Variants in CRYM observed in about 807,000 individuals in gnomAD.
The protein encoded by CRYM is crystallin mu.
Under a neutral mutation model 32.9 loss-of-function variants are expected in CRYM, and 18 were observed. The observed-to-expected ratio is 0.55, with a 90% CI of 0.38 to 0.81. The LOEUF is 0.81. Ranked by LOEUF, CRYM falls within the 30% of genes least tolerant of loss-of-function variation. CRYM has a pLI of 0.00. For synonymous variants in CRYM, 153 were observed against 152.4 expected (o/e 1.00, Z -0.03); for missense variants, 337 against 393.5 (o/e 0.86, Z 1.21).
At chr16:21,299,653 T>A (rs184884125) in intron 1 of CRYM, among the ~76,000 whole-genome samples, 1 of 152,310 alleles carries the variant, frequency 6.6e-6, no homozygotes, top group African/African-American at 2.4e-5. Flanking sequence ...ATTGGGCAGG[T>A]GAACTGGCTA....
chr16:21,275,029 T>A (rs1164497551), intron 3 of CRYM, among the ~76,000 whole-genome samples: 1 of 152,244 alleles, frequency 6.6e-6, no homozygotes, highest in East Asian at 1.9e-4. Context: ...TCAATACTTG[T>A]CGAATGAATA....
chr16:21,259,475 T>C (rs2093350528), intron 7 of CRYM, among the ~76,000 whole-genome samples: 2 of 152,100 alleles, frequency 1.3e-5, no homozygotes, highest in South Asian at 4.1e-4. Flanking sequence ...GGGTCTCTAT[T>C]ACAATTATTC....
intron 5 of CRYM, among the ~76,000 whole-genome samples, chr16:21,262,757 G>T (rs146829598): frequency 6.6e-6 from 1 of 152,100 alleles, no homozygotes; most frequent in Non-Finnish European, 1.5e-5. Flanking sequence ...TGTTTTGCAC[G>T]TACTATTTAT....
intron 1 of CRYM, chr16:21,300,729 T>A (rs187161788): frequency 8.5e-5 from 13 of 152,336 alleles, no homozygotes; most frequent in Admixed American, 7.2e-4. Context: ...TTGCGCCCTC[T>A]CCTGACAAAG....
At chr16:21,259,590 G>A (rs1334368453) in intron 7 of CRYM, among the ~76,000 whole-genome samples, 2 of 152,110 alleles carry the variant, frequency 1.3e-5, no homozygotes, top group Non-Finnish European at 2.9e-5. Flanking sequence ...CTTGAATTTT[G>A]TATCATTTTC....
At chr16:21,274,404 C>T (rs1253738337) in intron 3 of CRYM, among the ~76,000 whole-genome samples, 1 of 152,124 alleles carries the variant, frequency 6.6e-6, no homozygotes, top group Non-Finnish European at 1.5e-5. Flanking sequence ...AATGTGACAG[C>T]TTCTCCAATA....
intron 1 of CRYM, among the ~76,000 whole-genome samples, chr16:21,285,664 A>G (rs1053325446): frequency 2.0e-4 from 31 of 152,260 alleles, no homozygotes; most frequent in African/African-American, 7.5e-4. Flanking sequence ...GTTATAAAAT[A>G]AAACAGATCC....
At chr16:21,274,684 C>T (rs2093382517) in intron 3 of CRYM, among the ~76,000 whole-genome samples, 1 of 152,140 alleles carries the variant, frequency 6.6e-6, no homozygotes, top group Admixed American at 6.5e-5. Flanking sequence ...GGGCTCATTG[C>T]AACCTCTGCC....
intron 7 of CRYM, 25 bp downstream of exon 7, chr16:21,261,229 G>A (rs199868408): frequency 1.1e-4 from 170 of 1,588,782 alleles, no homozygotes; most frequent in Non-Finnish European, 2.6e-5. Flanking sequence ...AGTTGGATTT[G>A]TGCCCAGGGA....
At chr16:21,266,213 G>C (rs2093363404) in intron 5 of CRYM, among the ~76,000 whole-genome samples, 1 of 152,014 alleles carries the variant, frequency 6.6e-6, no homozygotes, top group African/African-American at 2.4e-5. Context: ...GACAGAGTGA[G>C]ACTCCATCTC....
At chr16:21,264,450 G>A (rs1486545072) in intron 5 of CRYM, among the ~76,000 whole-genome samples, 1 of 152,174 alleles carries the variant, frequency 6.6e-6, no homozygotes, top group African/African-American at 2.4e-5. Flanking sequence ...TGGCTTGGTT[G>A]TGATGGGGCT....
intron 7 of CRYM, among the ~76,000 whole-genome samples, chr16:21,260,194 G>C (rs1383272072): frequency 6.6e-6 from 1 of 152,176 alleles, no homozygotes; most frequent in Non-Finnish European, 1.5e-5. Flanking sequence ...AGTATGGAAG[G>C]TCATGAGAGG....
At chr16:21,269,958 GGT>G in intron 3 of CRYM, 67 bp from the exon 4 acceptor site, 2 of 1,081,790 alleles carry the variant, frequency 1.8e-6, no homozygotes, top group South Asian at 2.5e-5. Context: ...AAACTAAGAT[GGT>G]TTGAGTATCA....
At chr16:21,275,462 C>A in intron 3 of CRYM, 70 bp downstream of exon 3, 1 of 1,366,428 alleles carries the variant, frequency 7.3e-7, no homozygotes, top group South Asian at 1.2e-5. Context: ...CTCCTTTAGT[C>A]TCTCAAGATT....
intron 3 of CRYM, among the ~76,000 whole-genome samples, chr16:21,273,905 C>T (rs1347129651): frequency 1.3e-5 from 2 of 152,212 alleles, no homozygotes; most frequent in Non-Finnish European, 2.9e-5. Flanking sequence ...TGAGTCAGGT[C>T]TGGATATAAC....
intron 1 of CRYM, among the ~76,000 whole-genome samples, chr16:21,290,382 C>T (rs116986998): frequency 0.016 from 2,415 of 152,208 alleles, 80 homozygotes; most frequent in East Asian, 0.077. Context: ...TCTGCAGCTT[C>T]TCTCCTGAGG....
At chr16:21,268,751 A>G (rs917549388) in intron 4 of CRYM, 2 of 152,222 alleles carry the variant, frequency 1.3e-5, no homozygotes, top group African/African-American at 4.8e-5. Context: ...ACGTGACTAA[A>G]GCTATGTTAT....
At chr16:21,260,617 GTTTCC>G (rs1162216995) in intron 7 of CRYM, among the ~76,000 whole-genome samples, 2 of 152,144 alleles carry the variant, frequency 1.3e-5, no homozygotes, top group African/African-American at 4.8e-5. Flanking sequence ...ATGTACTTCT[GTTTCC>G]TTCAATCTCA....
In CRYM at chr16:21,269,911, TG is replaced by T; in HGVS notation, c.388-21del. 1 of 1,570,522 alleles carries T rather than the reference TG, an allele frequency of 6.4e-7. No individual in the cohort carries two copies. Among genetic ancestry groups the T allele is most frequent in the Non-Finnish European group, 8.8e-7 (1 of 1,140,426 alleles). On this transcript the variant is annotated intron_variant, in intron 3 of 7. Coordinates refer to ENST00000572914, the MANE Select transcript of CRYM (RefSeq NM_001376256.1). ...CAGAAACTATATGAGAGAAATGAAGTGGCAAAGGTCAAGGGAGACCCTAGCA... is the reference window on the plus strand; with the variant it reads ...CAGAAACTATATGAGAGAAATGAAGTGCAAAGGTCAAGGGAGACCCTAGCA...
Sources: gnomAD v4.1 joint callset for allele counts (sites outside exome capture counted in the v4.1 genomes callset) on GRCh38, gnomAD v4.1.1 for gene constraint, MANE v1.5 for transcripts, NCBI Gene and HGNC (gene_info 2026-07-23, HGNC 2026-07-21) for gene names.